Variants in ASAP3 observed in about 807,000 individuals in gnomAD.
ASAP3 encodes the protein ArfGAP with SH3 domain, ankyrin repeat and PH domain 3, also known as arf-GAP with SH3 domain, ANK repeat and PH domain-containing protein 3.
In ASAP3, 85 loss-of-function variants were observed where a neutral mutation model predicts 118.2. The observed-to-expected ratio is 0.72, with a 90% confidence interval of 0.60 to 0.86. The LOEUF is 0.86. ASAP3 is among the 40% of genes least tolerant of loss of function. The pLI is 0.00. For missense variants in ASAP3, 1,026 were observed against 1,175.0 expected (o/e 0.87, Z 1.85); for synonymous variants, 432 against 477.4 (o/e 0.90, Z 1.24).
At chr1:23,447,945 T>C (rs755062471) in intron 5 of ASAP3, among the ~76,000 whole-genome samples, 3 of 152,216 alleles carry the variant, frequency 2.0e-5, no homozygotes, top group Admixed American at 6.5e-5. Context: ...AAGTCTGACA[T>C]AGTCATTCTG....
At chr1:23,482,947 G>A (rs1215951238) in intron 1 of ASAP3, among the ~76,000 whole-genome samples, 2 of 148,174 alleles carry the variant, frequency 1.3e-5, no homozygotes, top group Non-Finnish European at 3.0e-5. Context: ...GCGAGACTCC[G>A]TCTCAAAAAA....
At chr1:23,471,860 T>C (rs930052339) in intron 1 of ASAP3, among the ~76,000 whole-genome samples, 1 of 152,246 alleles carries the variant, frequency 6.6e-6, no homozygotes, top group Non-Finnish European at 1.5e-5. Context: ...TGTGTTATGA[T>C]GTGCTAATAT....
At chr1:23,443,114 G>A (rs1423407139) in intron 5 of ASAP3, among the ~76,000 whole-genome samples, 2 of 152,174 alleles carry the variant, frequency 1.3e-5, no homozygotes, top group Non-Finnish European at 2.9e-5. Context: ...GGGGGATGAA[G>A]GACTCAAACA....
chr1:23,462,099 CT>C (rs1298473835), intron 1 of ASAP3, among the ~76,000 whole-genome samples: 1 of 151,874 alleles, frequency 6.6e-6, no homozygotes, highest in Non-Finnish European at 1.5e-5. Context: ...TCTCGGCTCA[CT>C]GCAAGCTCTG....
In ASAP3 at chr1:23,429,826, A is replaced by G; in HGVS notation, c.*30T>C. Reference sequence around the variant, plus strand: ...GTCCCAGCTCTGAACATTGGGGCCTAGCATGGGGCATGTGGGGGCCAGCAA... The same window carrying G: ...GTCCCAGCTCTGAACATTGGGGCCTGGCATGGGGCATGTGGGGGCCAGCAA... On this transcript the variant is annotated 3_prime_UTR_variant, in exon 25 of 25. Transcript: ENST00000336689. 6 of 1,609,008 alleles carry G rather than the reference A, an allele frequency of 3.7e-6. No individual in the cohort carries two copies. The highest frequency in any genetic ancestry group is 5.1e-6 in the Non-Finnish European group (6 of 1,177,078).
chr1:23,431,764 T>C lies in ASAP3; in HGVS notation c.2478A>G (p.Pro826=). ...PNSEEGLREP[P]GTSRPSLTSG... The stretch of plus-strand genomic sequence containing the variant: ...ATGTCAGGCTGGGTCTGGAGGTGCC[T>C]GGGGGCTCTCGGAGGCCCTCTTCAG... The change falls in exon 23 of 25, where the codon CCA becomes CCG. Residue 826 remains proline, a synonymous_variant. Transcript: ENST00000336689. 6.5e-7 allele frequency: 1 copy of C among 1,527,500 alleles called. No homozygotes were observed. Among genetic ancestry groups the C allele is most frequent in the Non-Finnish European group, 8.7e-7 (1 of 1,144,102 alleles). 94.6% of individuals were successfully genotyped at this position (1,527,500 alleles called of 1,614,324 possible). A position where few individuals can be genotyped will look rare whatever the true frequency, so the allele number is the denominator to read the frequency against.
rs12117542 is a variant in ASAP3, at chr1:23,441,176, A to G, written c.870T>C (p.Tyr290=). The G allele has an allele frequency of 0.042, 68,220 of 1,614,116 alleles. 1,662 individuals carry two copies. The highest frequency in any genetic ancestry group is 0.1 in the Middle Eastern group (626 of 6,062). Residue 290 remains tyrosine, a synonymous_variant, in exon 10 of 25, where the codon TAT becomes TAC. Transcript: ENST00000336689. ...HLSRKNSGCG[Y]SIHQHQGNKQ... Reference sequence around the variant, plus strand: ...TGTTGCCTTGGTGCTGGTGGATGCTATAGCCACATCCTGAGTTCTTCCGGC... The same window carrying G: ...TGTTGCCTTGGTGCTGGTGGATGCTGTAGCCACATCCTGAGTTCTTCCGGC...
chr1:23,461,999 C>T (rs1476476072), intron 1 of ASAP3, among the ~76,000 whole-genome samples: 2 of 151,998 alleles, frequency 1.3e-5, no homozygotes, highest in Non-Finnish European at 2.9e-5. Context: ...GACAAGTCAC[C>T]CGAATCACTC....
At position 23,437,016 on chromosome 1, in the gene ASAP3, GC is replaced by G; in HGVS notation, c.1370del (p.Gly457AlafsTer39). ...CCGAGCACTGGATGCAGGTGAGCAC[GC>G]CCAGGTTGGTGCTGAGCCACGTGGG... Reference protein sequence around the residue: ...ADPTWLSTNLGVLTCIQCSGV... With the variant: ...ADPTWLSTNLXVLTCIQCSGV... On this transcript the variant is annotated frameshift_variant, in exon 15 of 25. Transcript: ENST00000336689. LOFTEE classifies it high-confidence loss of function. The surrounding 1 kb of genome is among the most constrained non-coding windows in gnomAD (Gnocchi z 6.1). The G allele has an allele frequency of 6.2e-7, 1 of 1,611,722 alleles. No homozygotes were observed. The highest frequency in any genetic ancestry group is 8.5e-7 in the Non-Finnish European group (1 of 1,179,410).
chr1:23,454,394 C>T (rs1382975447), intron 3 of ASAP3, among the ~76,000 whole-genome samples: 1 of 152,148 alleles, frequency 6.6e-6, no homozygotes, highest in Non-Finnish European at 1.5e-5. Flanking sequence ...CCATGTTGGC[C>T]AGGCTGGTCT....
chr1:23,472,076 G>A (rs1341182837), intron 1 of ASAP3, among the ~76,000 whole-genome samples: 4 of 152,252 alleles, frequency 2.6e-5, no homozygotes, highest in South Asian at 2.1e-4. Context: ...GTCGGGGGCC[G>A]GGGAAAAGGA....
intron 7 of ASAP3, 23 bp from the exon 8 acceptor site, chr1:23,441,753 C>T: frequency 6.2e-7 from 1 of 1,613,474 alleles, no homozygotes; most frequent in East Asian, 2.2e-5. Context: ...AGAGGCCAAA[C>T]AAGGGTCCAG....
Position 23,434,358 on chromosome 1 carries a change from T to A in ASAP3, c.1847A>T (p.Asp616Val), listed in dbSNP as rs751614263. Residue 616 changes from aspartate to valine, a missense_variant, in exon 19 of 25, where the codon GAT becomes GTT. By Grantham distance (152) the Asp-to-Val change is radical (BLOSUM62 -3). Coordinates refer to ENST00000336689, the MANE Select transcript of ASAP3 (RefSeq NM_017707.4). ...DFIIQNGGHL[D>V]AKAADGNTAL... ...CGTGTTCCCGTCAGCAGCCTTGGCATCCAGGTGACCACTGGGGAGAGGAGG... is the reference window on the plus strand; with the variant it reads ...CGTGTTCCCGTCAGCAGCCTTGGCAACCAGGTGACCACTGGGGAGAGGAGG... The A allele has an allele frequency of 6.2e-7, 1 of 1,613,988 alleles. No homozygotes were observed. Among genetic ancestry groups the A allele is most frequent in the Non-Finnish European group, 8.5e-7 (1 of 1,180,004 alleles).
At chr1:23,463,275 C>G (rs997408989) in intron 1 of ASAP3, among the ~76,000 whole-genome samples, 14 of 151,996 alleles carry the variant, frequency 9.2e-5, no homozygotes, top group African/African-American at 2.7e-4. Context: ...ACTCCTTTCT[C>G]AAGAAAATAT....
At chr1:23,454,481 C>T (rs1403906225) in intron 3 of ASAP3, among the ~76,000 whole-genome samples, 2 of 152,112 alleles carry the variant, frequency 1.3e-5, no homozygotes, top group African/African-American at 2.4e-5. Flanking sequence ...CCACCGCACC[C>T]GGCAATTTTC....
At chr1:23,462,301 G>C (rs567357854) in intron 1 of ASAP3, among the ~76,000 whole-genome samples, 16 of 151,666 alleles carry the variant, frequency 1.1e-4, no homozygotes, top group Admixed American at 2.0e-4. Context: ...TGGGATTACA[G>C]GCGTGAGCCA....
At chr1:23,481,326 A>T (rs1231476280) in intron 1 of ASAP3, among the ~76,000 whole-genome samples, 1 of 152,252 alleles carries the variant, frequency 6.6e-6, no homozygotes, top group African/African-American at 2.4e-5. Context: ...ACTTGACTTA[A>T]GAATCAGTTG....
chr1:23,473,075 C>A (rs1013945735), intron 1 of ASAP3, among the ~76,000 whole-genome samples: 1 of 152,192 alleles, frequency 6.6e-6, no homozygotes, highest in Admixed American at 6.5e-5. Context: ...TTGTCTAGTT[C>A]TCTCCGTGCC....
Position 23,442,224 on chromosome 1 carries a change from G to GAAGTC in ASAP3, c.628_632dup (p.Phe211LeufsTer53). On this transcript the variant is annotated frameshift_variant, in exon 7 of 25. Transcript: ENST00000336689. LOFTEE classifies it high-confidence loss of function. ...GGAAGAACTTGATGAGGCTCTGAAG[G>GAAGTC]AAGTCAGGACCTTGCTTCATCTGGC... The GAAGTC allele has an allele frequency of 6.2e-7, 1 of 1,607,790 alleles. No individual in the cohort carries two copies. Among genetic ancestry groups the GAAGTC allele is most frequent in the Non-Finnish European group, 8.5e-7 (1 of 1,177,720 alleles).
Sources: allele counts gnomAD v4.1 joint callset (sites outside exome capture counted in the v4.1 genomes callset), GRCh38; gene constraint gnomAD v4.1.1; non-coding constraint Gnocchi (gnomAD v3.1); transcripts MANE v1.5; gene names NCBI Gene and HGNC (gene_info 2026-07-23, HGNC 2026-07-21).